Variants in VNN1 observed in about 807,000 individuals in gnomAD.
VNN1 encodes the protein pantetheinase.
VNN1 carries 29 observed loss-of-function variants against 41.9 expected under a neutral mutation model. That is an observed-to-expected ratio of 0.69 (90% CI 0.52 to 0.94). The LOEUF (loss-of-function observed/expected upper bound fraction) is 0.94. Among genes scored for constraint, VNN1 ranks in the 40% least tolerant of loss-of-function variants. The pLI is 0.00. For synonymous variants in VNN1, 233 were observed against 224.4 expected, an observed-to-expected ratio of 1.04 and a Z score of -0.34; for missense variants, 637 against 621.1, an observed-to-expected ratio of 1.03 and a Z score of -0.27.
chr6:132,682,322 G>A lies in VNN1; in HGVS notation c.*818C>T, dbSNP rs1366137455. 6.6e-6 allele frequency: 1 copy of A among 152,226 alleles called. No individual in the cohort carries two copies. Among genetic ancestry groups the A allele is most frequent in the Non-Finnish European group, 1.5e-5 (1 of 68,090 alleles). 9.4% of individuals were successfully genotyped at this position (152,226 alleles called of 1,614,324 possible). A position where few individuals can be genotyped will look rare whatever the true frequency, so the allele number is the denominator to read the frequency against. On this transcript the variant is annotated 3_prime_UTR_variant, in exon 7 of 7. Transcript: ENST00000367928. The stretch of plus-strand genomic sequence containing the variant: ...ACAGTAGTGGTGGGGAGAGGAACAG[G>A]AATGGGTCTTTGATTCATTTGCCAG...
chr6:132,713,799 A>G (rs527820172), intron 1 of VNN1, 27 bp downstream of exon 1: 5 of 1,609,322 alleles, frequency 3.1e-6, no homozygotes, highest in East Asian at 2.2e-5. Flanking sequence ...AGAATCCAGT[A>G]CACTGGAGAG....
At position 132,683,006 on chromosome 6, in the gene VNN1, T is replaced by C. The variant is rs1271152142; in HGVS notation, c.*134A>G. 6.2e-6 allele frequency: 4 copies of C among 643,170 alleles called. No homozygotes were observed. The Admixed American group carries it at 1.4e-4, about 23-fold the overall frequency. The allele number at this position is 643,170 out of a possible 1,614,324, so 39.8% of individuals were successfully genotyped here. A position where few individuals can be genotyped will look rare whatever the true frequency, so the allele number is the denominator to read the frequency against. ...TATTAAGTTTATATTATCTGGTGTG[T>C]GTGTGTTTGTCTAAATAAAGAGAAA... On this transcript the variant is annotated 3_prime_UTR_variant, in exon 7 of 7. Coordinates refer to ENST00000367928, the MANE Select transcript of VNN1 (RefSeq NM_004666.3).
At chr6:132,689,131 C>T (rs780453423) in intron 5 of VNN1, among the ~76,000 whole-genome samples, 11 of 152,154 alleles carry the variant, frequency 7.2e-5, no homozygotes, top group Non-Finnish European at 1.5e-4. Flanking sequence ...GATGATCTGC[C>T]CGCCTTGACC....
Position 132,705,165 on chromosome 6 carries a change from A to T in VNN1, c.341+6544T>A, listed in dbSNP as rs551088407. ...AAAATAGAGAAAGGAATGCTTCCAAACTCATTCAATGAGGCTAGTATTATA... is the reference window on the plus strand; with the variant it reads ...AAAATAGAGAAAGGAATGCTTCCAATCTCATTCAATGAGGCTAGTATTATA... On this transcript the variant is annotated intron_variant, in intron 2 of 6. Transcript: ENST00000367928. 3.3e-5 allele frequency among the ~76,000 whole-genome samples: 5 copies of T among 151,976 alleles called. No homozygotes were observed. In the East Asian group the frequency reaches 9.7e-4, roughly 30 times the overall value.
At chr6:132,706,647 T>G (rs979740773) in intron 2 of VNN1, among the ~76,000 whole-genome samples, 2 of 151,928 alleles carry the variant, frequency 1.3e-5, no homozygotes, top group African/African-American at 4.8e-5. Context: ...AAAGCAAAAA[T>G]GGACAAATGG....
Position 132,692,403 on chromosome 6 carries a change from A to G in VNN1, c.1008T>C (p.Thr336=), listed in dbSNP as rs760966494. Residue 336 remains threonine, a synonymous_variant, in exon 5 of 7, where the codon ACT becomes ACC. Transcript: ENST00000367928. Reference sequence around the variant, plus strand: ...CAAAAGTGAATTCATCGAAAAAGACAGTGCCTTTAAATTCCTTGTTTCCTG... The same window carrying G: ...CAAAAGTGAATTCATCGAAAAAGACGGTGCCTTTAAATTCCTTGTTTCCTG... ...LSSGNKEFKG[T]VFFDEFTFVK... The G allele has an allele frequency of 5.6e-5, 90 of 1,614,212 alleles. 1 individual carries two copies. In the South Asian group the frequency reaches 9.4e-4, roughly 17 times the overall value.
Position 132,683,066 on chromosome 6 carries a change from C to A in VNN1, c.*74G>T. On this transcript the variant is annotated 3_prime_UTR_variant, in exon 7 of 7. Transcript: ENST00000367928. ...CACTTATACTAGAGGATAATATTAA[C>A]CCGGACCAATCTTTCTTTTCTCATC... 7.2e-7 allele frequency: 1 copy of A among 1,395,606 alleles called. No homozygotes were observed. Among genetic ancestry groups the A allele is most frequent in the South Asian group, 1.4e-5 (1 of 70,744 alleles). 86.5% of individuals were successfully genotyped at this position (1,395,606 alleles called of 1,614,324 possible). A position where few individuals can be genotyped will look rare whatever the true frequency, so the allele number is the denominator to read the frequency against.
Position 132,694,147 on chromosome 6 carries a change from C to A in VNN1, c.377G>T (p.Cys126Phe). Residue 126 changes from cysteine to phenylalanine, a missense_variant, in exon 3 of 7, where the codon TGC becomes TTC. Cys to Phe is a radical substitution (Grantham distance 205). Transcript: ENST00000367928. ...ATAGATAGAGTTGTTCTTGGCCAGG[C>A]AGCTGAGTCTTTCTTGTACTGGGGT... ...GQTPVQERLS[C>F]LAKNNSIYVV... 3 of 1,612,358 alleles carry A rather than the reference C, an allele frequency of 1.9e-6. No individual in the cohort carries two copies. The highest frequency in any genetic ancestry group is 2.5e-6 in the Non-Finnish European group (3 of 1,179,176).
At chr6:132,691,845 C>A (rs1195544189) in intron 5 of VNN1, among the ~76,000 whole-genome samples, 1 of 151,664 alleles carries the variant, frequency 6.6e-6, no homozygotes, top group African/African-American at 2.4e-5. Flanking sequence ...TAAAATACAA[C>A]AACAACAAAA....
At position 132,684,361 on chromosome 6, in the gene VNN1, T is replaced by G. The variant is rs1349668031; in HGVS notation, c.1333A>C (p.Asn445His). 3 of 1,612,554 alleles carry G rather than the reference T, an allele frequency of 1.9e-6. No individual in the cohort carries two copies. The East Asian group carries it at 6.7e-5, about 36-fold the overall frequency. The change falls in exon 6 of 7, where the codon AAT (asparagine) becomes CAT (histidine). Residue 445 changes from asparagine (N) to histidine (H), a missense_variant. Asn to His is a moderately conservative substitution (Grantham distance 68, BLOSUM62 1). Coordinates refer to ENST00000367928, the MANE Select transcript of VNN1 (RefSeq NM_004666.3). Reference protein sequence around the residue: ...YVFPEVLLSENQLAPGEFQVS... With the variant: ...YVFPEVLLSEHQLAPGEFQVS... Reference sequence around the variant, plus strand: ...TGAAATTCTCCAGGTGCAAGCTGATTTTCACTCAGCAACACCTCAGGAAAG... The same window carrying G: ...TGAAATTCTCCAGGTGCAAGCTGATGTTCACTCAGCAACACCTCAGGAAAG...
rs559736864 is a variant in VNN1 at position 132,703,387 on chromosome 6, G to A, written c.341+8322C>T. ...AGACAGTATAAGATATAAATAGAAA[G>A]TATTAAAAATTAAAAGTATGGGGGA... On this transcript the variant is annotated intron_variant, in intron 2 of 6. Coordinates refer to ENST00000367928, the MANE Select transcript of VNN1 (RefSeq NM_004666.3). Among the ~76,000 whole-genome samples the A allele has an allele frequency of 3.3e-5, 5 of 150,740 alleles. No individual in the cohort carries two copies. In the South Asian group the frequency reaches 6.3e-4, roughly 19 times the overall value.
chr6:132,713,776 C>A, intron 1 of VNN1, 50 bp downstream of exon 1: 1 of 1,593,560 alleles, frequency 6.3e-7, no homozygotes, highest in Non-Finnish European at 8.6e-7. Context: ...CCTAGGACCC[C>A]CTCCTTTCTC....
At chr6:132,709,674 AAGAG>A (rs1177185143) in intron 2 of VNN1, among the ~76,000 whole-genome samples, 1 of 104,914 alleles carries the variant, frequency 9.5e-6, no homozygotes, top group Non-Finnish European at 1.8e-5. Flanking sequence ...AAAAAAAAAA[AAGAG>A]AGAGAGAGAC....
chr6:132,692,939 G>T, intron 4 of VNN1, 85 bp downstream of exon 4: 2 of 1,396,688 alleles, frequency 1.4e-6, no homozygotes, highest in Non-Finnish European at 1.9e-6. Context: ...GTATTAAGGA[G>T]TATGCGTTAG....
chr6:132,706,348 C>A (rs1439005153), intron 2 of VNN1, among the ~76,000 whole-genome samples: 3 of 151,964 alleles, frequency 2.0e-5, no homozygotes, highest in Non-Finnish European at 4.4e-5. Context: ...CAGAAATAAA[C>A]CCAAATATCT....
intron 5 of VNN1, among the ~76,000 whole-genome samples, chr6:132,687,772 A>T (rs938257391): frequency 6.6e-6 from 1 of 152,210 alleles, no homozygotes; most frequent in African/African-American, 2.4e-5. Context: ...ATTGTGGAAA[A>T]ATTATTCTGA....
chr6:132,692,158 T>C, intron 5 of VNN1, 65 bp downstream of exon 5: 1 of 1,455,126 alleles, frequency 6.9e-7, no homozygotes, highest in Non-Finnish European at 9.1e-7. Flanking sequence ...ATTATTTATC[T>C]AAACTGTATA....
intron 2 of VNN1, 140 bp from the exon 3 acceptor site, chr6:132,694,322 A>G (rs1380687525): frequency 2.1e-6 from 2 of 954,478 alleles, no homozygotes; most frequent in Non-Finnish European, 2.9e-6. Context: ...GAAGAGAAGT[A>G]TTAAGACAAG....
chr6:132,688,975 A>G (rs1197185077), intron 5 of VNN1, among the ~76,000 whole-genome samples: 5 of 152,140 alleles, frequency 3.3e-5, no homozygotes, highest in East Asian at 3.9e-4. Flanking sequence ...TGCAACCTCT[A>G]TCTCCCAGGA....
Sources: gnomAD v4.1 joint callset for allele counts (sites outside exome capture counted in the v4.1 genomes callset) on GRCh38, gnomAD v4.1.1 for gene constraint, MANE v1.5 for transcripts, NCBI Gene and HGNC (gene_info 2026-07-23, HGNC 2026-07-21) for gene names.